Variants in ATXN7L1 observed in about 807,000 individuals in gnomAD.
ATXN7L1 encodes ataxin-7-like protein 1.
In ATXN7L1, 15 loss-of-function variants were observed where a neutral mutation model predicts 70.8. The ratio of observed to expected loss-of-function variants is 0.21; its 90% CI spans 0.14 to 0.33. The LOEUF (loss-of-function observed/expected upper bound fraction) is 0.33. ATXN7L1 is among the 10% of genes least tolerant of loss of function. ATXN7L1 has a pLI of 1.00. For synonymous variants in ATXN7L1, 440 were observed against 445.1 expected (o/e 0.99, Z 0.14); for missense variants, 975 against 1,097.1 (o/e 0.89, Z 1.57).
rs151160055 is a variant in ATXN7L1 at position 105,649,874 on chromosome 7, A to G, written c.579-6753T>C. ...CTCAGCTGTCTGATTTCCTCCACCA[A>G]TTCCTTCGACAAAAGCCTATGTGCT... On this transcript the variant is annotated intron_variant, in intron 4 of 11. Transcript: ENST00000419735. Among the ~76,000 whole-genome samples, 640 of 152,280 alleles carry G rather than the reference A, an allele frequency of 4.2e-3. 3 individuals carry two copies. Among genetic ancestry groups the G allele is most frequent in the Non-Finnish European group, 6.7e-3 (453 of 68,034 alleles).
chr7:105,815,527 G>A (rs891039875), intron 2 of ATXN7L1, among the ~76,000 whole-genome samples: 2 of 152,158 alleles, frequency 1.3e-5, no homozygotes, highest in Non-Finnish European at 2.9e-5. Context: ...AAAGTTGGAG[G>A]GGAAATTATC....
At chr7:105,667,290 A>G (rs1802757207) in intron 3 of ATXN7L1, among the ~76,000 whole-genome samples, 1 of 152,208 alleles carries the variant, frequency 6.6e-6, no homozygotes, top group Non-Finnish European at 1.5e-5. Context: ...CTCTGTGCTG[A>G]GTACATGGGC....
At chr7:105,664,060 A>G (rs142859906) in intron 4 of ATXN7L1, among the ~76,000 whole-genome samples, 7 of 152,134 alleles carry the variant, frequency 4.6e-5, no homozygotes, top group Admixed American at 1.3e-4. Flanking sequence ...ATGAGCCACC[A>G]CGCCTGGCCA....
chr7:105,858,813 C>G (rs374151795), intron 2 of ATXN7L1, among the ~76,000 whole-genome samples: 1 of 152,032 alleles, frequency 6.6e-6, no homozygotes, highest in Admixed American at 6.5e-5. Flanking sequence ...GGTAAGACAC[C>G]ACAAGGAAGT....
intron 2 of ATXN7L1, chr7:105,875,265 G>A (rs1372798796): frequency 6.5e-6 from 1 of 154,566 alleles, no homozygotes; most frequent in African/African-American, 2.4e-5. Flanking sequence ...ACTGCTGAGG[G>A]GCTGCACATA....
intron 3 of ATXN7L1, among the ~76,000 whole-genome samples, chr7:105,754,916 T>G (rs1364522018): frequency 1.3e-5 from 2 of 152,334 alleles, no homozygotes; most frequent in Middle Eastern, 3.4e-3. Flanking sequence ...TGACTTGAGT[T>G]TGGACTCAAG....
At chr7:105,707,673 C>T (rs1793351542) in intron 3 of ATXN7L1, among the ~76,000 whole-genome samples, 1 of 152,236 alleles carries the variant, frequency 6.6e-6, no homozygotes, top group South Asian at 2.1e-4. Flanking sequence ...TGTGGTCACA[C>T]CCTGCGAACA....
intron 2 of ATXN7L1, among the ~76,000 whole-genome samples, chr7:105,793,794 G>C (rs1805587239): frequency 6.6e-6 from 1 of 152,224 alleles, no homozygotes; most frequent in African/African-American, 2.4e-5. Context: ...ATCACAGAGT[G>C]ATCTGGTCAC....
intron 3 of ATXN7L1, among the ~76,000 whole-genome samples, chr7:105,759,465 TG>T (rs1326792409): frequency 7.9e-5 from 8 of 101,702 alleles, no homozygotes; most frequent in African/African-American, 4.1e-4. Flanking sequence ...TGTGTGTGTG[TG>T]TGTGTGTGTG....
intron 2 of ATXN7L1, among the ~76,000 whole-genome samples, chr7:105,799,499 G>GGCTCCTATTCAGAGGGTCTCGA (rs1585034738): frequency 6.6e-6 from 1 of 152,136 alleles, no homozygotes; most frequent in Admixed American, 6.5e-5. Context: ...GGCCATGGTG[G>GGCTCCTATTCAGAGGGTCTCGA]GCGAGAGACC....
intron 3 of ATXN7L1, among the ~76,000 whole-genome samples, chr7:105,787,733 T>C (rs1382986535): frequency 6.6e-6 from 1 of 152,242 alleles, no homozygotes; most frequent in Non-Finnish European, 1.5e-5. Context: ...TGACTTTTTT[T>C]AGGCACAATA....
At chr7:105,680,792 G>A (rs953078195) in intron 3 of ATXN7L1, among the ~76,000 whole-genome samples, 4 of 152,212 alleles carry the variant, frequency 2.6e-5, no homozygotes, top group African/African-American at 9.6e-5. Flanking sequence ...GGGAACCTGA[G>A]TCTTTCCAGA....
Position 105,875,815 on chromosome 7 carries a change from C to T in ATXN7L1, c.247G>A (p.Glu83Lys). 6.2e-7 allele frequency: 1 copy of T among 1,613,070 alleles called. No homozygotes were observed. The highest frequency in any genetic ancestry group is 1.1e-5 in the South Asian group (1 of 91,048). ...KSREVMRLNK[E>K]DMHLFGHYPA... The stretch of plus-strand genomic sequence containing the variant: ...AAATGCCAGTAGCTCCACTTACCTT[C>T]TTTATTAAGCCTCATAACCTCCCTG... Residue 83 changes from glutamate to lysine, a missense_variant, in exon 2 of 12, where the codon GAA becomes AAA. This residue lies in a region of ATXN7L1 where 135 missense variants were observed against 132.6 expected (regional missense o/e 1.02). Transcript: ENST00000419735.
intron 2 of ATXN7L1, among the ~76,000 whole-genome samples, chr7:105,871,544 C>T (rs1465047224): frequency 6.6e-6 from 1 of 152,088 alleles, no homozygotes; most frequent in Non-Finnish European, 1.5e-5. Context: ...AAACCCATCT[C>T]TACTAAATAT....
intron 3 of ATXN7L1, among the ~76,000 whole-genome samples, chr7:105,759,449 A>T (rs1280634516): frequency 8.3e-5 from 5 of 60,508 alleles, no homozygotes; most frequent in Admixed American, 1.6e-4. Flanking sequence ...TTGGATAGTG[A>T]GTGTGTGTGT....
At chr7:105,785,572 A>G (rs1804177172) in intron 3 of ATXN7L1, among the ~76,000 whole-genome samples, 1 of 149,092 alleles carries the variant, frequency 6.7e-6, no homozygotes, top group Non-Finnish European at 1.5e-5. Context: ...GGAAAATAGC[A>G]AGGCCAGTGC....
intron 3 of ATXN7L1, among the ~76,000 whole-genome samples, chr7:105,689,533 G>C (rs1011858819): frequency 7.9e-5 from 12 of 152,160 alleles, no homozygotes; most frequent in African/African-American, 2.9e-4. Context: ...GATTGACACA[G>C]CTGGGGGCAG....
chr7:105,806,979 A>AG (rs1369840226), intron 2 of ATXN7L1, among the ~76,000 whole-genome samples: 1 of 152,222 alleles, frequency 6.6e-6, no homozygotes, highest in Non-Finnish European at 1.5e-5. Flanking sequence ...TTTAGTCTGC[A>AG]AGAAGCCAGC....
intron 2 of ATXN7L1, among the ~76,000 whole-genome samples, chr7:105,844,445 T>C (rs1022019125): frequency 2.6e-5 from 4 of 152,254 alleles, no homozygotes; most frequent in Non-Finnish European, 5.9e-5. Flanking sequence ...TCAATCCATG[T>C]AATATACCAT....
Sources: gnomAD v4.1 joint callset for allele counts (sites outside exome capture counted in the v4.1 genomes callset) on GRCh38, gnomAD v4.1.1 for gene constraint, gnomAD v4.1.1 regional missense constraint, MANE v1.5 for transcripts, NCBI Gene and HGNC (gene_info 2026-07-23, HGNC 2026-07-21) for gene names.